Variants in PLIN4 observed in about 807,000 individuals in gnomAD.
PLIN4 encodes the protein perilipin 4.
A neutral mutation model predicts 52.4 loss-of-function variants in PLIN4; 57 were observed. The ratio of observed to expected loss-of-function variants is 1.09; its 90% CI spans 0.88 to 1.36. The LOEUF (loss-of-function observed/expected upper bound fraction) is 1.36. Among genes scored for constraint, PLIN4 ranks in the 40% most tolerant of loss-of-function variants. PLIN4 has a pLI of 0.00. For synonymous variants in PLIN4, 826 were observed against 785.4 expected, an observed-to-expected ratio of 1.05 and a Z score of -0.86; for missense variants, 1,757 against 1,770.3, an observed-to-expected ratio of 0.99 and a Z score of 0.13.
intron 5 of PLIN4, among the ~76,000 whole-genome samples, chr19:4,509,342 C>T (rs570845178): frequency 1.9e-3 from 122 of 63,622 alleles, no homozygotes; most frequent in Non-Finnish European, 4.1e-3. Flanking sequence ...TGAGGCCAGG[C>T]GCGGTGGCTC....
In PLIN4 at chr19:4,512,733, C is replaced by T; in HGVS notation, c.1227G>A (p.Gly409=). Residue 409 remains glycine (G), a synonymous_variant, in exon 5 of 8, where the codon GGG becomes GGA. Transcript: ENST00000301286. The stretch of plus-strand genomic sequence containing the variant: ...TGGCCCCCTTGGCCACATTCGCTGC[C>T]CCTGTGAGCCCAGTGGACATCGTGT... ...TKDTMSTGLT[G]AANVAKGAMQ... 6.4e-7 allele frequency: 1 copy of T among 1,558,816 alleles called. No homozygotes were observed. Among genetic ancestry groups the T allele is most frequent in the Non-Finnish European group, 8.6e-7 (1 of 1,158,508 alleles).
At chr19:4,513,849 C>T in intron 4 of PLIN4, 148 bp from the exon 5 acceptor site, 1 of 1,034,426 alleles carries the variant, frequency 9.7e-7, no homozygotes, top group Non-Finnish European at 1.3e-6. Flanking sequence ...AAGCTGCTTC[C>T]TCCTCACCCC....
Position 4,504,537 on chromosome 19 carries a change from C to G in PLIN4, c.4038G>C (p.Gln1346His). The G allele has an allele frequency of 6.2e-7, 1 of 1,605,352 alleles. No individual in the cohort carries two copies. The highest frequency in any genetic ancestry group is 8.5e-7 in the Non-Finnish European group (1 of 1,177,162). ...GATTGTGCTGTAGGCCCTCCAGCAG[C>G]TGCTCTAACCCCTGCCAAGCCTGGT... ...GVHQAWQGLEQLLEGLQHNPP... is the reference protein window; with the variant it reads ...GVHQAWQGLEHLLEGLQHNPP... Residue 1346 changes from glutamine (Q) to histidine (H), a missense_variant, in exon 8 of 8, where the codon CAG becomes CAC. By Grantham distance (24) the Gln-to-His change is conservative. Around this residue, in one of 7 missense-constraint regions of PLIN4, gnomAD observed 712 missense variants for 637.1 expected, o/e 1.12. Coordinates refer to ENST00000301286, the MANE Select transcript of PLIN4 (RefSeq NM_001367868.2).
Position 4,511,225 on chromosome 19 carries a change from G to A in PLIN4, c.2735C>T (p.Thr912Ile), listed in dbSNP as rs1479406882. The A allele has an allele frequency of 1.9e-6, 3 of 1,611,458 alleles. No individual in the cohort carries two copies. The highest frequency in any genetic ancestry group is 2.2e-5 in the South Asian group (2 of 90,938). The change falls in exon 5 of 8, where the codon ACT (threonine) becomes ATT (isoleucine). Residue 912 changes from threonine (T) to isoleucine (I), a missense_variant. By Grantham distance (89) the Thr-to-Ile change is moderately conservative (BLOSUM62 -1). Coordinates refer to ENST00000301286, the MANE Select transcript of PLIN4 (RefSeq NM_001367868.2). ...LTGAVNLAKG[T>I]VQTGVDTSKT... ...GCTGGTGTCCACGCCGGTCTGGACAGTCCCTTTGGCCAAGTTCACAGCCCC... is the reference window on the plus strand; with the variant it reads ...GCTGGTGTCCACGCCGGTCTGGACAATCCCTTTGGCCAAGTTCACAGCCCC...
Position 4,511,976 on chromosome 19 carries a change from C to G in PLIN4, c.1984G>C (p.Gly662Arg). 1.9e-6 allele frequency: 3 copies of G among 1,604,402 alleles called. No individual in the cohort carries two copies. Among genetic ancestry groups the G allele is most frequent in the Non-Finnish European group, 2.6e-6 (3 of 1,174,260 alleles). Residue 662 changes from glycine (G) to arginine (R), a missense_variant, in exon 5 of 8, where the codon GGT (glycine) becomes CGT (arginine). Physicochemically the swap from Gly to Arg is moderately radical, Grantham distance 125 (BLOSUM62 -2). Transcript: ENST00000301286. ...CCACTGCCAAAGGTGTTCTTTGTAC[C>G]TGTCGCGATATTTTGGGTCGTTTTC... ...GLKTTQNIATGTKNTFGSGVT... is the reference protein window; with the variant it reads ...GLKTTQNIATRTKNTFGSGVT...
Position 4,510,573 on chromosome 19 carries a change from TG to T in PLIN4, c.3386del (p.Pro1129GlnfsTer38). 2 of 1,501,124 alleles carry T rather than the reference TG, an allele frequency of 1.3e-6. No individual in the cohort carries two copies. The highest frequency in any genetic ancestry group is 1.4e-5 in the South Asian group (1 of 71,856). 93.0% of individuals were successfully genotyped at this position (1,501,124 alleles called of 1,614,324 possible). On this transcript the variant is annotated frameshift_variant, in exon 5 of 8. Transcript: ENST00000301286. LOFTEE classifies it high-confidence loss of function. ...DVATFTQGAA[P>X]GREDTGLLAT... is the part of the protein sequence containing the mutation. Reference sequence around the variant, plus strand: ...CCAAAAGCCCCGTGTCCTCCCTGCCTGGGGCGGCCCCTTGGGTGAACGTCGC... The same window carrying T: ...CCAAAAGCCCCGTGTCCTCCCTGCCTGGGCGGCCCCTTGGGTGAACGTCGC...
At chr19:4,517,854 C>T (rs1461291673) in intron 2 of PLIN4, 156 bp from the exon 3 acceptor site, 8 of 971,502 alleles carry the variant, frequency 8.2e-6, no homozygotes, top group Non-Finnish European at 9.0e-6. Context: ...AATTTCCACA[C>T]CTGGGCAATG....
chr19:4,509,040 C>T lies in PLIN4; in HGVS notation c.3515-85G>A, dbSNP rs1178978422. ...AAAGTCAAGTGAGGGCCGGGCGCGG[C>T]GGTTCCCGCCTGTGATCCCAGCACT... On this transcript the variant is annotated intron_variant, in intron 5 of 7. Transcript: ENST00000301286. The T allele has an allele frequency of 1.7e-5, 23 of 1,331,470 alleles. No homozygotes were observed. The Admixed American group carries it at 2.3e-4, about 13-fold the overall frequency. 82.5% of individuals were successfully genotyped at this position (1,331,470 alleles called of 1,614,324 possible). A position where few individuals can be genotyped will look rare whatever the true frequency, so the allele number is the denominator to read the frequency against.
In PLIN4 at chr19:4,503,573, C is replaced by G. The variant is rs940585838; in HGVS notation, c.*886G>C. The stretch of plus-strand genomic sequence containing the variant: ...GTGGCTGTTCCCAGCCCTGTCTGAT[C>G]CCTCCATAGGGCACAGTTCCCTGCG... On this transcript the variant is annotated 3_prime_UTR_variant, in exon 8 of 8. Transcript: ENST00000301286. 10 of 152,368 alleles carry G rather than the reference C, an allele frequency of 6.6e-5. No homozygotes were observed. The highest frequency in any genetic ancestry group is 2.2e-4 in the African/African-American group (9 of 41,448). 9.4% of individuals were successfully genotyped at this position (152,368 alleles called of 1,614,324 possible). A position where few individuals can be genotyped will look rare whatever the true frequency, so the allele number is the denominator to read the frequency against.
rs1369351125 is a variant in PLIN4, at chr19:4,512,842, C to T, written c.1118G>A (p.Gly373Glu). The change falls in exon 5 of 8, where the codon GGG becomes GAG. Residue 373 changes from glycine to glutamate, a missense_variant. Coordinates refer to ENST00000301286, the MANE Select transcript of PLIN4 (RefSeq NM_001367868.2). ...GGCCAAGTTCACGGCACCGGTCACC[C>T]CACTGCAGACAGTGTTCTTGGTGCC... ...LTGTKNTVCS[G>E]VTGAVNLAKE... The T allele has an allele frequency of 5.1e-6, 8 of 1,571,596 alleles. 1 individual carries two copies. In the South Asian group the frequency reaches 8.9e-5, roughly 17 times the overall value.
rs1347577131 is a variant in PLIN4, at chr19:4,516,654, G to A, written c.221C>T (p.Ala74Val). The A allele has an allele frequency of 3.1e-6, 5 of 1,602,510 alleles. No individual in the cohort carries two copies. Among genetic ancestry groups the A allele is most frequent in the Non-Finnish European group, 3.4e-6 (4 of 1,174,876 alleles). Residue 74 changes from alanine to valine, a missense_variant, in exon 4 of 8, where the codon GCC (alanine) becomes GTC (valine). By Grantham distance (64) the Ala-to-Val change is moderately conservative (BLOSUM62 0). Around this residue, in one of 7 missense-constraint regions of PLIN4, gnomAD observed 332 missense variants for 310.8 expected, o/e 1.07. Coordinates refer to ENST00000301286, the MANE Select transcript of PLIN4 (RefSeq NM_001367868.2). ...AQVAAHPEQT[A>V]PWTEKELQPS... The stretch of plus-strand genomic sequence containing the variant: ...TTGCAGCTCCTTCTCCGTCCATGGG[G>A]CCGTCTGCTCTGGGTGGGCAGCCAC...
rs144812916 is a variant in PLIN4, at chr19:4,517,381, C to T, written c.196+173G>A. ...AAGCCACCTTCGGCCACTCACCCCC[C>T]ATATTTATGCCTCAGTTTCCCCATC... On this transcript the variant is annotated intron_variant, in intron 3 of 7. Coordinates refer to ENST00000301286, the MANE Select transcript of PLIN4 (RefSeq NM_001367868.2). 1.4e-3 allele frequency among the ~76,000 whole-genome samples: 211 copies of T among 152,270 alleles called. 4 individuals are homozygous for T. The East Asian group carries it at 0.036, about 26-fold the overall frequency.
At position 4,512,200 on chromosome 19, in the gene PLIN4, A is replaced by G. The variant is rs1568233195; in HGVS notation, c.1760T>C (p.Val587Ala). The change falls in exon 5 of 8, where the codon GTA becomes GCA. Residue 587 changes from valine (V) to alanine (A), a missense_variant. Physicochemically the swap from Val to Ala is moderately conservative, Grantham distance 64. Transcript: ENST00000301286. ...GGTCAGCACGGTCTTGGCTGTGTCT[A>G]CACCTGTCTGGACAGCCCCCTTGGC... ...NVAKGAVQTG[V>A]DTAKTVLTGT... The G allele has an allele frequency of 5.6e-6, 9 of 1,612,728 alleles. No individual in the cohort carries two copies. The highest frequency in any genetic ancestry group is 7.6e-6 in the Non-Finnish European group (9 of 1,179,794).
Position 4,512,716 on chromosome 19 carries a change from T to A in PLIN4, c.1244A>T (p.Lys415Met). ...GTTCAGCCCAGTTTGCATGGCCCCC[T>A]TGGCCACATTCGCTGCCCCTGTGAG... is the stretch of plus-strand genomic sequence containing the variant. ...TGLTGAANVA[K>M]GAMQTGLNTT... The change falls in exon 5 of 8, where the codon AAG (lysine) becomes ATG (methionine). Residue 415 changes from lysine to methionine, a missense_variant. Transcript: ENST00000301286. The A allele has an allele frequency of 1.3e-6, 2 of 1,556,606 alleles. No individual in the cohort carries two copies. Among genetic ancestry groups the A allele is most frequent in the Non-Finnish European group, 8.6e-7 (1 of 1,157,506 alleles).
At chr19:4,517,785 G>A in intron 2 of PLIN4, 87 bp from the exon 3 acceptor site, 2 of 1,462,162 alleles carry the variant, frequency 1.4e-6, no homozygotes, top group Middle Eastern at 2.0e-4. Context: ...TCAGCCCAAT[G>A]CCGCCCCGGC....
Position 4,518,283 on chromosome 19 carries a change from TG to T in PLIN4, c.-12del. The stretch of plus-strand genomic sequence containing the variant: ...GTCTGGAGCAGACATAGTGAGAACG[TG>T]AGAAGCTGGAAGGGGGCAGAGAAGG... On this transcript the variant is annotated 5_prime_UTR_variant, in exon 2 of 8. Transcript: ENST00000301286. 1 of 1,232,456 alleles carries T rather than the reference TG, an allele frequency of 8.1e-7. No homozygotes were observed. The highest frequency in any genetic ancestry group is 3.2e-5 in the East Asian group (1 of 31,704). The allele number at this position is 1,232,456 out of a possible 1,614,324, so 76.3% of individuals were successfully genotyped here. A position where few individuals can be genotyped will look rare whatever the true frequency, so the allele number is the denominator to read the frequency against.
At position 4,509,016 on chromosome 19, in the gene PLIN4, A is replaced by C. The variant is rs563009824; in HGVS notation, c.3515-61T>G. 2.5e-3 allele frequency: 3,700 copies of C among 1,501,744 alleles called. 8 individuals carry two copies. The highest frequency in any genetic ancestry group is 3.0e-3 in the Non-Finnish European group (3,356 of 1,119,492). The allele number at this position is 1,501,744 out of a possible 1,614,324, so 93.0% of individuals were successfully genotyped here. A position where few individuals can be genotyped will look rare whatever the true frequency, so the allele number is the denominator to read the frequency against. Reference sequence around the variant, plus strand: ...CCCTCAGGGCATCAGGGCTTTATAAAAGTCAAGTGAGGGCCGGGCGCGGCG... The same window carrying C: ...CCCTCAGGGCATCAGGGCTTTATAACAGTCAAGTGAGGGCCGGGCGCGGCG... On this transcript the variant is annotated intron_variant, in intron 5 of 7. Coordinates refer to ENST00000301286, the MANE Select transcript of PLIN4 (RefSeq NM_001367868.2).
Position 4,510,730 on chromosome 19 carries a change from C to T in PLIN4, c.3230G>A (p.Gly1077Glu), listed in dbSNP as rs1376462168. 6 of 1,545,970 alleles carry T rather than the reference C, an allele frequency of 3.9e-6. No individual in the cohort carries two copies. In the African/African-American group the frequency reaches 6.9e-5, roughly 18 times the overall value. ...LTSSRTTDNG[G>E]EQTALSPQEA... Reference sequence around the variant, plus strand: ...TTGGGGGCTCAGGGCAGTCTGCTCCCCACCATTGTCTGTGGTCCTGGAACT... The same window carrying T: ...TTGGGGGCTCAGGGCAGTCTGCTCCTCACCATTGTCTGTGGTCCTGGAACT... The change falls in exon 5 of 8, where the codon GGG (glycine) becomes GAG (glutamate). Residue 1077 changes from glycine to glutamate, a missense_variant. Gly to Glu is a moderately conservative substitution (Grantham distance 98). This residue lies in a region of PLIN4 where 712 missense variants were observed against 637.1 expected (regional missense o/e 1.12). Coordinates refer to ENST00000301286, the MANE Select transcript of PLIN4 (RefSeq NM_001367868.2).
chr19:4,518,237 G>T lies in PLIN4; in HGVS notation c.36C>A (p.Pro12=), dbSNP rs61511854. ...CCCTCTTTACCTTGCCCTTCGGTTTGGGGGGATCCCGTCTCCCTTCGTCTG... is the reference window on the plus strand; with the variant it reads ...CCCTCTTTACCTTGCCCTTCGGTTTTGGGGGATCCCGTCTCCCTTCGTCTG... ...SAPDEGRRDP[P]KPKGKTLGSF... is the part of the protein sequence containing the mutation. Residue 12 remains proline (P), a synonymous_variant, in exon 2 of 8, where the codon CCC becomes CCA. Transcript: ENST00000301286. 2,905 of 1,233,032 alleles carry T rather than the reference G, an allele frequency of 2.4e-3. 46 individuals are homozygous for T. In the African/African-American group the frequency reaches 0.037, roughly 16 times the overall value. The allele number at this position is 1,233,032 out of a possible 1,614,324, so 76.4% of individuals were successfully genotyped here.
Sources: allele counts gnomAD v4.1 joint callset (sites outside exome capture counted in the v4.1 genomes callset), GRCh38; gene constraint gnomAD v4.1.1; regional missense constraint gnomAD v4.1.1; transcripts MANE v1.5; gene names NCBI Gene and HGNC (gene_info 2026-07-23, HGNC 2026-07-21).